Variants in TGFBR2 observed in about 807,000 individuals in gnomAD.
TGFBR2 encodes the protein TGF-beta receptor type-2.
A neutral mutation model predicts 49.0 loss-of-function variants in TGFBR2; 18 were observed. That is an observed-to-expected ratio of 0.37 (90% CI 0.25 to 0.54). The LOEUF is 0.54. Ranked by LOEUF, TGFBR2 falls within the 20% of genes least tolerant of loss-of-function variation. TGFBR2 has a pLI of 0.85. For missense variants in TGFBR2, 525 were observed against 722.6 expected (o/e 0.73, Z 3.13); for synonymous variants, 282 against 275.9 (o/e 1.02, Z -0.22).
Position 30,672,544 on chromosome 3 carries a change from A to G in TGFBR2, c.1254+107A>G. ...TCTCAAACAGCCCTGTACTCTGGAC[A>G]CTGGTCTAGGGAATCTAGCCAAAGT... On this transcript the variant is annotated intron_variant, in intron 4 of 6. Transcript: ENST00000295754. This position sits in a 1 kb window ranked among gnomAD's most constrained non-coding sequence, Gnocchi z 4.5. 7.8e-7 allele frequency: 1 copy of G among 1,278,754 alleles called. No individual in the cohort carries two copies. 79.2% of individuals were successfully genotyped at this position (1,278,754 alleles called of 1,614,324 possible).
intron 2 of TGFBR2, among the ~76,000 whole-genome samples, chr3:30,648,897 A>C (rs1415077690): frequency 6.6e-6 from 1 of 152,092 alleles, no homozygotes; most frequent in Non-Finnish European, 1.5e-5. Flanking sequence ...TTAAGCACTA[A>C]AAAAGTGGTA....
intron 3 of TGFBR2, among the ~76,000 whole-genome samples, chr3:30,654,814 A>G (rs1698964394): frequency 6.6e-6 from 1 of 152,192 alleles, no homozygotes; most frequent in African/African-American, 2.4e-5. Context: ...ATGGTTATTG[A>G]TCTCTCACTG....
chr3:30,680,937 G>A (rs141902689), intron 5 of TGFBR2, among the ~76,000 whole-genome samples: 5 of 151,962 alleles, frequency 3.3e-5, no homozygotes, highest in African/African-American at 4.8e-5. Context: ...GGGTGAAGGC[G>A]GTCCTGTTCA....
At chr3:30,688,711 C>CT (rs1354514966) in intron 6 of TGFBR2, among the ~76,000 whole-genome samples, 200 bp downstream of exon 6, 3 of 152,244 alleles carry the variant, frequency 2.0e-5, no homozygotes, top group Non-Finnish European at 2.9e-5. Context: ...GATATGTACT[C>CT]TGAGAGTTCA....
At chr3:30,688,582 G>A in intron 6 of TGFBR2, 71 bp downstream of exon 6, 1 of 1,598,864 alleles carries the variant, frequency 6.3e-7, no homozygotes. Flanking sequence ...GAGAATTCTG[G>A]AATATTGAGC....
At chr3:30,677,367 C>T (rs578038324) in intron 5 of TGFBR2, among the ~76,000 whole-genome samples, 207 of 152,284 alleles carry the variant, frequency 1.4e-3, no homozygotes, top group African/African-American at 4.8e-3. Context: ...AGAGACAGCC[C>T]TGGGGAACCG....
chr3:30,644,236 GT>G (rs1348348266), intron 1 of TGFBR2, among the ~76,000 whole-genome samples: 16 of 152,186 alleles, frequency 1.1e-4, no homozygotes, highest in Non-Finnish European at 1.9e-4. Context: ...CTCCTTTGGT[GT>G]GGCACTTCAT....
At position 30,676,583 on chromosome 3, in the gene TGFBR2, G is replaced by T. The variant is rs755748683; in HGVS notation, c.1396+2337G>T. On this transcript the variant is annotated intron_variant, in intron 5 of 6. Transcript: ENST00000295754. This position sits in a 1 kb window ranked among gnomAD's most constrained non-coding sequence, Gnocchi z 4.3. ...ATCCAGTATTGTCATTATTTATTTT[G>T]TTGCTCAGGTTGCCACAGCTTGGGT... Among the ~76,000 whole-genome samples the T allele has an allele frequency of 9.9e-5, 15 of 152,124 alleles. No homozygotes were observed. The highest frequency in any genetic ancestry group is 2.9e-5 in the Non-Finnish European group (2 of 68,018).
chr3:30,606,362 GAGTAAAT>G (rs980954518), upstream of TGFBR2: 2 of 223,952 alleles, frequency 8.9e-6, no homozygotes, highest in Non-Finnish European at 1.8e-5. Flanking sequence ...AGTCATTCTT[GAGTAAAT>G]ACTTGGAGCG....
At chr3:30,626,827 C>T (rs902665700) in intron 1 of TGFBR2, 1 of 152,258 alleles carries the variant, frequency 6.6e-6, no homozygotes, top group Admixed American at 6.5e-5. Context: ...TAAAATCCAC[C>T]TGATAGATCT....
At chr3:30,633,203 A>G (rs1575138604) in intron 1 of TGFBR2, among the ~76,000 whole-genome samples, 2 of 152,218 alleles carry the variant, frequency 1.3e-5, no homozygotes, top group East Asian at 1.9e-4. Context: ...CATCTCTTTG[A>G]CCCTTAATTT....
chr3:30,644,222 G>T (rs1403818358), intron 1 of TGFBR2, among the ~76,000 whole-genome samples: 2 of 152,146 alleles, frequency 1.3e-5, no homozygotes, highest in Admixed American at 1.3e-4. Flanking sequence ...TCCAGCAACG[G>T]TTCCTCCTTT....
intron 2 of TGFBR2, among the ~76,000 whole-genome samples, chr3:30,648,804 G>A (rs1698824932): frequency 6.6e-6 from 1 of 152,104 alleles, no homozygotes; most frequent in Non-Finnish European, 1.5e-5. Flanking sequence ...TGTTGACACT[G>A]GCACCATTCC....
intron 1 of TGFBR2, among the ~76,000 whole-genome samples, chr3:30,633,806 G>A (rs1211423492): frequency 6.6e-6 from 1 of 152,190 alleles, no homozygotes; most frequent in Non-Finnish European, 1.5e-5. Flanking sequence ...AAAGAGTTCA[G>A]GCCAAACAGA....
chr3:30,666,632 AC>A (rs1233196050), intron 3 of TGFBR2, among the ~76,000 whole-genome samples: 2 of 30,382 alleles, frequency 6.6e-5, no homozygotes, highest in Non-Finnish European at 7.3e-5. Context: ...CGCAACCCCT[AC>A]CCCCCCATCC....
intron 5 of TGFBR2, among the ~76,000 whole-genome samples, chr3:30,684,844 C>A (rs1699596464): frequency 6.6e-6 from 1 of 152,116 alleles, no homozygotes; most frequent in Non-Finnish European, 1.5e-5. Flanking sequence ...ATTAATTTTT[C>A]TTTAAGTAAA....
chr3:30,682,327 AAAT>A (rs1398678690), intron 5 of TGFBR2, among the ~76,000 whole-genome samples: 5 of 152,250 alleles, frequency 3.3e-5, no homozygotes, highest in African/African-American at 1.2e-4. Context: ...CAAAAACAAC[AAAT>A]AATACTTACA....
At chr3:30,640,679 C>T (rs1235694793) in intron 1 of TGFBR2, among the ~76,000 whole-genome samples, 4 of 152,052 alleles carry the variant, frequency 2.6e-5, no homozygotes, top group African/African-American at 7.2e-5. Context: ...TTTGCATCCA[C>T]GGTTGATGGA....
Position 30,688,461 on chromosome 3 carries a change from T to C in TGFBR2, c.1474T>C (p.Leu492=), listed in dbSNP as rs2125452028. ...PCVESMKDNV[L]RDRGRPEIPS... ...TGTCGAAAGCATGAAGGACAACGTG[T>C]TGAGAGATCGAGGGCGACCAGAAAT... is the stretch of plus-strand genomic sequence containing the variant. The change falls in exon 6 of 7, where the codon TTG becomes CTG. Residue 492 remains leucine (L), a synonymous_variant. Transcript: ENST00000295754. 6.2e-7 allele frequency: 1 copy of C among 1,614,214 alleles called. No homozygotes were observed.
Sources: allele counts gnomAD v4.1 joint callset (sites outside exome capture counted in the v4.1 genomes callset), GRCh38; gene constraint gnomAD v4.1.1; non-coding constraint Gnocchi (gnomAD v3.1); transcripts MANE v1.5; gene names NCBI Gene and HGNC (gene_info 2026-07-23, HGNC 2026-07-21).